Variants in NAV2 observed in about 807,000 individuals in gnomAD.
NAV2 encodes the protein neuron navigator 2, also known as helicase, APC down-regulated 1.
NAV2 carries 54 observed loss-of-function variants against 223.2 expected under a neutral mutation model. The ratio of observed to expected loss-of-function variants is 0.24; its 90% CI spans 0.19 to 0.30. NAV2 has a LOEUF of 0.30. NAV2 is among the 10% of genes least tolerant of loss of function. The pLI, the probability that NAV2 is intolerant of heterozygous loss-of-function variation, is 1.00. For missense variants in NAV2, 2,806 were observed against 3,147.5 expected (o/e 0.89, Z 2.60); for synonymous variants, 1,279 against 1,239.3 (o/e 1.03, Z -0.67).
At chr11:19,357,186 A>T (rs1301671169) in intron 1 of NAV2, among the ~76,000 whole-genome samples, 2 of 151,902 alleles carry the variant, frequency 1.3e-5, no homozygotes, top group East Asian at 3.9e-4. Flanking sequence ...CAGGATTGGC[A>T]CATTTGTTAA....
rs2053488757 is a variant in NAV2, at chr11:19,747,657, T to A, written c.267+33695T>A. Among the ~76,000 whole-genome samples the A allele has an allele frequency of 3.3e-5, 5 of 152,182 alleles. No individual in the cohort carries two copies. In the South Asian group the frequency reaches 8.3e-4, roughly 25 times the overall value. On this transcript the variant is annotated intron_variant, in intron 1 of 37. Coordinates refer to ENST00000349880, the MANE Select transcript of NAV2 (RefSeq NM_145117.5). Reference sequence around the variant, plus strand: ...GCCCTTGCAGGGGAGGCAAATCTGCTTTTGTCCCATTCCTGGCGTCCTCTG... The same window carrying A: ...GCCCTTGCAGGGGAGGCAAATCTGCATTTGTCCCATTCCTGGCGTCCTCTG...
chr11:20,120,822 T>C lies in NAV2; in HGVS notation c.*2564T>C, dbSNP rs1407239568. 6.6e-6 allele frequency: 1 copy of C among 150,978 alleles called. No homozygotes were observed. Among genetic ancestry groups the C allele is most frequent in the Non-Finnish European group, 1.5e-5 (1 of 67,958 alleles). The allele number at this position is 150,978 out of a possible 1,614,324, so 9.4% of individuals were successfully genotyped here. On this transcript the variant is annotated 3_prime_UTR_variant, in exon 38 of 38. Transcript: ENST00000349880. Reference sequence around the variant, plus strand: ...ACATTTCTTATTTTGGTCATATTTTTACTTTAGTGTCACTCACCTTTTACA... The same window carrying C: ...ACATTTCTTATTTTGGTCATATTTTCACTTTAGTGTCACTCACCTTTTACA...
intron 5 of NAV2, among the ~76,000 whole-genome samples, chr11:19,883,090 A>G (rs1000313092): frequency 6.6e-6 from 1 of 152,132 alleles, no homozygotes; most frequent in Admixed American, 6.5e-5. Context: ...ATTAATGTCA[A>G]ATGTTGATGC....
In NAV2 at chr11:19,866,786, C is replaced by T. The variant is rs143263866; in HGVS notation, c.439-2139C>T. Among the ~76,000 whole-genome samples the T allele has an allele frequency of 7.8e-3, 1,186 of 152,176 alleles. 12 individuals are homozygous for T. Among genetic ancestry groups the T allele is most frequent in the African/African-American group, 0.027 (1,123 of 41,492 alleles). ...TTAACCTACCTCGTCAGCCCACCTC[C>T]GTGACACTTCCCAGAATAAATATCG... On this transcript the variant is annotated intron_variant, in intron 3 of 37. Coordinates refer to ENST00000349880, the MANE Select transcript of NAV2 (RefSeq NM_145117.5).
intron 11 of NAV2, among the ~76,000 whole-genome samples, chr11:20,011,835 T>C (rs1438766064): frequency 6.6e-6 from 1 of 152,260 alleles, no homozygotes; most frequent in Middle Eastern, 3.2e-3. Flanking sequence ...ATTAACTGTC[T>C]TCCTACTGGT....
At chr11:19,608,340 C>A (rs2046536944) in intron 1 of NAV2, among the ~76,000 whole-genome samples, 1 of 152,242 alleles carries the variant, frequency 6.6e-6, no homozygotes, top group East Asian at 1.9e-4. Flanking sequence ...TGTCCAGATG[C>A]CAGCTGAAGC....
chr11:19,942,423 C>T (rs1383162484), intron 8 of NAV2, among the ~76,000 whole-genome samples: 1 of 152,216 alleles, frequency 6.6e-6, no homozygotes, highest in Non-Finnish European at 1.5e-5. Context: ...TATCATCTGA[C>T]TCTCACCCTA....
chr11:20,071,804 GT>G (rs949774417), intron 22 of NAV2, among the ~76,000 whole-genome samples: 3 of 152,202 alleles, frequency 2.0e-5, no homozygotes, highest in Non-Finnish European at 2.9e-5. Flanking sequence ...TTGTAAATTT[GT>G]TTAAGTTCTT....
rs1463813298 is a variant in NAV2, at chr11:19,880,850, A to G, written c.770+723A>G. ...TGTAAAACTTTTGTCTTAATGGTAGAAAAAAAAGGAAGACTTTAGGAACTA... is the reference window on the plus strand; with the variant it reads ...TGTAAAACTTTTGTCTTAATGGTAGGAAAAAAAGGAAGACTTTAGGAACTA... On this transcript the variant is annotated intron_variant, in intron 5 of 37. Coordinates refer to ENST00000349880, the MANE Select transcript of NAV2 (RefSeq NM_145117.5). Among the ~76,000 whole-genome samples, 5 of 152,196 alleles carry G rather than the reference A, an allele frequency of 3.3e-5. No homozygotes were observed. In the South Asian group the frequency reaches 8.3e-4, roughly 25 times the overall value.
chr11:19,773,615 G>A (rs2055893096), intron 1 of NAV2, among the ~76,000 whole-genome samples: 1 of 152,176 alleles, frequency 6.6e-6, no homozygotes, highest in Admixed American at 6.5e-5. Flanking sequence ...GAAGATTATG[G>A]AAATAGGAGG....
In NAV2 at chr11:20,045,646, A is replaced by T; in HGVS notation, c.3878A>T (p.Asp1293Val). ...CTCCAGCCTGGAGCCAAGTACCCAG[A>T]TGTGGCCTCTCCCACACTCCGCAGG... ...TSLQPGAKYP[D>V]VASPTLRRLF... The change falls in exon 14 of 38, where the codon GAT becomes GTT. Residue 1293 changes from aspartate (D) to valine (V), a missense_variant. This residue lies in a region of NAV2 where 742 missense variants were observed against 777.9 expected (regional missense o/e 0.95). Coordinates refer to ENST00000349880, the MANE Select transcript of NAV2 (RefSeq NM_145117.5). The T allele has an allele frequency of 6.2e-7, 1 of 1,614,100 alleles. No homozygotes were observed. The highest frequency in any genetic ancestry group is 2.2e-5 in the East Asian group (1 of 44,872).
chr11:19,363,553 A>C (rs555036881), intron 1 of NAV2, among the ~76,000 whole-genome samples: 35 of 152,196 alleles, frequency 2.3e-4, no homozygotes, highest in Non-Finnish European at 4.7e-4. Flanking sequence ...ATTTCTATCC[A>C]CGGAATACTT....
intron 11 of NAV2, among the ~76,000 whole-genome samples, chr11:20,032,043 G>T (rs2055813185): frequency 6.6e-6 from 1 of 152,170 alleles, no homozygotes; most frequent in African/African-American, 2.4e-5. Flanking sequence ...ATGGGAAAAG[G>T]ACAAGTTAGA....
intron 1 of NAV2, among the ~76,000 whole-genome samples, chr11:19,402,361 A>G (rs1307108314): frequency 1.3e-5 from 2 of 152,256 alleles, no homozygotes; most frequent in Non-Finnish European, 2.9e-5. Context: ...TGGTGATTAT[A>G]AATGGGCTGA....
intron 1 of NAV2, among the ~76,000 whole-genome samples, chr11:19,474,788 CAA>C (rs2042067448): frequency 6.6e-6 from 1 of 152,206 alleles, no homozygotes; most frequent in Non-Finnish European, 1.5e-5. Context: ...CTTTGCTGTC[CAA>C]AGAGAATCCT....
chr11:19,808,549 G>T (rs1313553187), intron 1 of NAV2, among the ~76,000 whole-genome samples: 1 of 152,210 alleles, frequency 6.6e-6, no homozygotes, highest in Admixed American at 6.5e-5. Flanking sequence ...ATTAAAAAAA[G>T]AAGAGATGTG....
intron 1 of NAV2, among the ~76,000 whole-genome samples, chr11:19,454,239 T>C (rs1382491009): frequency 6.6e-6 from 1 of 152,180 alleles, no homozygotes; most frequent in Non-Finnish European, 1.5e-5. Flanking sequence ...AGCTCAGGGT[T>C]GTTTTGATGA....
chr11:19,639,610 G>A (rs1363241596), intron 1 of NAV2, among the ~76,000 whole-genome samples: 3 of 152,156 alleles, frequency 2.0e-5, no homozygotes, highest in African/African-American at 7.2e-5. Context: ...AACCACATAG[G>A]CCCACTGATG....
intron 1 of NAV2, among the ~76,000 whole-genome samples, chr11:19,477,285 T>C (rs887031062): frequency 1.3e-5 from 2 of 152,244 alleles, no homozygotes; most frequent in East Asian, 3.9e-4. Context: ...TTCTCTGTTT[T>C]CTGCAATTTT....
Sources: gnomAD v4.1 joint callset for allele counts (sites outside exome capture counted in the v4.1 genomes callset) on GRCh38, gnomAD v4.1.1 for gene constraint, gnomAD v4.1.1 regional missense constraint, MANE v1.5 for transcripts, NCBI Gene and HGNC (gene_info 2026-07-23, HGNC 2026-07-21) for gene names.